The following GMDS variants were observed in gnomAD, a reference collection of about 807,000 sequenced individuals.
The protein encoded by GMDS is GDP-mannose 4,6 dehydratase.
In GMDS, 20 loss-of-function variants were observed where a neutral mutation model predicts 49.9. The ratio of observed to expected loss-of-function variants is 0.40; its 90% confidence interval spans 0.28 to 0.58. The LOEUF is 0.58. Among genes scored for constraint, GMDS ranks in the 20% least tolerant of loss-of-function variants. GMDS has a pLI of 0.42. For missense variants in GMDS, 362 were observed against 481.4 expected (o/e 0.75, Z 2.32); for synonymous variants, 177 against 178.6 (o/e 0.99, Z 0.07).
At chr6:2,157,626 T>C (rs1414181081) in intron 1 of GMDS, among the ~76,000 whole-genome samples, 7 of 152,222 alleles carry the variant, frequency 4.6e-5, no homozygotes, top group African/African-American at 7.2e-5. Flanking sequence ...ACGAAATCTA[T>C]AGGGGAGAGA....
At chr6:2,084,256 G>C (rs1444929785) in intron 4 of GMDS, among the ~76,000 whole-genome samples, 1 of 152,144 alleles carries the variant, frequency 6.6e-6, no homozygotes, top group Non-Finnish European at 1.5e-5. Flanking sequence ...ATCTGCGTTT[G>C]AGAGGTTTGA....
At chr6:2,057,221 T>A (rs764903630) in intron 4 of GMDS, among the ~76,000 whole-genome samples, 1 of 152,196 alleles carries the variant, frequency 6.6e-6, no homozygotes, top group Non-Finnish European at 1.5e-5. Context: ...GTGATGTTCT[T>A]CTGTGTTTAT....
At chr6:1,943,389 T>C (rs1762910284) in intron 6 of GMDS, among the ~76,000 whole-genome samples, 1 of 152,252 alleles carries the variant, frequency 6.6e-6, no homozygotes, top group South Asian at 2.1e-4. Context: ...TTCAGTTTAC[T>C]CACCTCAACT....
intron 4 of GMDS, among the ~76,000 whole-genome samples, chr6:2,063,292 A>C (rs948415414): frequency 1.3e-5 from 2 of 152,240 alleles, no homozygotes; most frequent in African/African-American, 4.8e-5. Context: ...TCTGGTACTG[A>C]AGATATCTAA....
chr6:1,874,415 A>G (rs1359456146), intron 7 of GMDS, among the ~76,000 whole-genome samples: 1 of 152,152 alleles, frequency 6.6e-6, no homozygotes, highest in Admixed American at 6.5e-5. Context: ...TTATGGGGCA[A>G]TTTCTCAATT....
chr6:1,672,003 A>G (rs997911938), intron 9 of GMDS, among the ~76,000 whole-genome samples: 2 of 152,126 alleles, frequency 1.3e-5, no homozygotes, highest in African/African-American at 4.8e-5. Flanking sequence ...AGTGGCAAAA[A>G]TTGTGATTAT....
At position 1,726,405 on chromosome 6, in the gene GMDS, A is replaced by G. The variant is rs1392466211; in HGVS notation, c.987+11T>C. The G allele has an allele frequency of 1.3e-6, 2 of 1,593,452 alleles. No individual in the cohort carries two copies. Among genetic ancestry groups the G allele is most frequent in the Non-Finnish European group, 8.6e-7 (1 of 1,161,032 alleles). On this transcript the variant is annotated intron_variant, in intron 9 of 10. Coordinates refer to ENST00000380815, the MANE Select transcript of GMDS (RefSeq NM_001500.4). ...ATGTGGCCACGCACTGGGTGGCCAG[A>G]GAGTCCTTACCACTTCAGTTGGCCG...
At chr6:2,215,602 G>C (rs2127585982) in intron 1 of GMDS, among the ~76,000 whole-genome samples, 1 of 151,886 alleles carries the variant, frequency 6.6e-6, no homozygotes, top group South Asian at 2.1e-4. Flanking sequence ...ATATCAGTGG[G>C]GGAAGGAGGG....
intron 4 of GMDS, among the ~76,000 whole-genome samples, chr6:2,050,049 A>T (rs1770285617): frequency 6.6e-6 from 1 of 152,212 alleles, no homozygotes; most frequent in South Asian, 2.1e-4. Flanking sequence ...TGAAAGACAT[A>T]GAGACACAAA....
chr6:2,003,254 TTATGTGGCATCAGAATCC>T (rs1766946080), intron 4 of GMDS, among the ~76,000 whole-genome samples: 1 of 152,174 alleles, frequency 6.6e-6, no homozygotes, highest in South Asian at 2.1e-4. Flanking sequence ...TACCATATAT[TTATGTGGCATCAGAATCC>T]CACTGAGGTT....
intron 1 of GMDS, among the ~76,000 whole-genome samples, chr6:2,170,421 T>C (rs925373180): frequency 6.6e-6 from 1 of 151,854 alleles, no homozygotes; most frequent in South Asian, 2.1e-4. Flanking sequence ...AGGCCAGGAG[T>C]TCGAGACCAG....
chr6:1,930,352 T>A, intron 6 of GMDS, 122 bp from the exon 7 acceptor site: 1 of 661,466 alleles, frequency 1.5e-6, no homozygotes, highest in Non-Finnish European at 2.6e-6. Flanking sequence ...AGCCACCCTG[T>A]TAAAACAATA....
chr6:1,753,000 C>T (rs553068065), intron 7 of GMDS, among the ~76,000 whole-genome samples: 1 of 152,312 alleles, frequency 6.6e-6, no homozygotes, highest in African/African-American at 2.4e-5. Context: ...AACCAGCTAG[C>T]ATCATAATGA....
At chr6:1,790,038 T>G (rs559837123) in intron 7 of GMDS, among the ~76,000 whole-genome samples, 1 of 152,350 alleles carries the variant, frequency 6.6e-6, no homozygotes, top group South Asian at 2.1e-4. Flanking sequence ...CCTAAATATA[T>G]GACATTGCAT....
intron 4 of GMDS, among the ~76,000 whole-genome samples, chr6:2,100,710 A>G (rs999872367): frequency 2.0e-5 from 3 of 152,016 alleles, no homozygotes; most frequent in African/African-American, 7.2e-5. Flanking sequence ...TCATAGAGCT[A>G]ATGTTAAAAA....
chr6:2,116,371 CAT>C (rs1490518177), intron 3 of GMDS, among the ~76,000 whole-genome samples: 3 of 152,106 alleles, frequency 2.0e-5, no homozygotes, highest in African/African-American at 4.8e-5. Context: ...GATGTGGTGA[CAT>C]AATTGATTGA....
rs1779016144 is a variant in GMDS, at chr6:2,191,493, G to A, written c.102+53828C>T. Among the ~76,000 whole-genome samples, 1 of 152,206 alleles carries A rather than the reference G, an allele frequency of 6.6e-6. No individual in the cohort carries two copies. Among genetic ancestry groups the A allele is most frequent in the Admixed American group, 6.5e-5 (1 of 15,290 alleles). ...CGCCCAGGTGGGGCTGTGGACCCGG[G>A]CCTCTCTGCACTCTTGGGGGCCCTG... is the stretch of plus-strand genomic sequence containing the variant. On this transcript the variant is annotated intron_variant, in intron 1 of 10. Coordinates refer to ENST00000380815, the MANE Select transcript of GMDS (RefSeq NM_001500.4). This position sits in a 1 kb window ranked among gnomAD's most constrained non-coding sequence, Gnocchi z 4.6.
chr6:1,917,888 G>A (rs3800130), intron 7 of GMDS, among the ~76,000 whole-genome samples: 43,282 of 152,050 alleles, frequency 0.28, 6,704 homozygotes, highest in Non-Finnish European at 0.35. Context: ...GGGATATGTC[G>A]TCTGAGCATG....
In GMDS at chr6:2,176,819, A is replaced by G. The variant is rs1778305237; in HGVS notation, c.103-52088T>C. On this transcript the variant is annotated intron_variant, in intron 1 of 10. Coordinates refer to ENST00000380815, the MANE Select transcript of GMDS (RefSeq NM_001500.4). The stretch of plus-strand genomic sequence containing the variant: ...TCAGTGCTAGGGCAGTCCTGCACAC[A>G]GGTTATAGTGCAGGGCCAAGGAGGG... 2.0e-5 allele frequency among the ~76,000 whole-genome samples: 3 copies of G among 152,160 alleles called. No homozygotes were observed. The South Asian group carries it at 6.2e-4, about 32-fold the overall frequency.
Sources: gnomAD v4.1 joint callset for allele counts (sites outside exome capture counted in the v4.1 genomes callset) on GRCh38, gnomAD v4.1.1 for gene constraint, Gnocchi (gnomAD v3.1) non-coding constraint, MANE v1.5 for transcripts, NCBI Gene and HGNC (gene_info 2026-07-23, HGNC 2026-07-21) for gene names.